TNKS: variants seen among roughly 807,000 people sequenced by gnomAD.
TNKS encodes the protein poly [ADP-ribose] polymerase tankyrase-1.
TNKS carries 72 observed loss-of-function variants against 135.8 expected under a neutral mutation model. The observed-to-expected ratio is 0.53, with a 90% CI of 0.44 to 0.64. The LOEUF (loss-of-function observed/expected upper bound fraction) is 0.64, where lower values mean the gene tolerates loss of function less well. Among genes scored for constraint, TNKS ranks in the 30% least tolerant of loss-of-function variants. The pLI, the probability that TNKS is intolerant of heterozygous loss-of-function variation, is 0.00. For synonymous variants in TNKS, 849 were observed against 649.3 expected, an observed-to-expected ratio of 1.31 and a Z score of -4.68; for missense variants, 1,769 against 1,674.0, an observed-to-expected ratio of 1.06 and a Z score of -0.99.
chr8:9,718,634 T>TAA (rs1804723191), intron 11 of TNKS, among the ~76,000 whole-genome samples: 1 of 152,136 alleles, frequency 6.6e-6, no homozygotes, highest in Admixed American at 6.6e-5. Context: ...CAGTTAGAAA[T>TAA]GAAAATACGT....
intron 3 of TNKS, among the ~76,000 whole-genome samples, chr8:9,656,512 G>C (rs1801375193): frequency 6.6e-6 from 1 of 152,238 alleles, no homozygotes; most frequent in South Asian, 2.1e-4. Flanking sequence ...TACCCACAAA[G>C]GGAAGCCCAT....
chr8:9,636,468 A>G (rs1409479914), intron 3 of TNKS, among the ~76,000 whole-genome samples: 1 of 152,044 alleles, frequency 6.6e-6, no homozygotes, highest in Non-Finnish European at 1.5e-5. Flanking sequence ...TTTTACTTCT[A>G]ACTGCATTGA....
At chr8:9,647,744 C>T (rs914491691) in intron 3 of TNKS, among the ~76,000 whole-genome samples, 2 of 152,118 alleles carry the variant, frequency 1.3e-5, no homozygotes, top group Non-Finnish European at 2.9e-5. Context: ...GAATGCTCTG[C>T]GTTTTATTGA....
In TNKS at chr8:9,590,554, G is replaced by A. The variant is rs913718261; in HGVS notation, c.898+10171G>A. Among the ~76,000 whole-genome samples the A allele has an allele frequency of 2.5e-4, 38 of 152,106 alleles. 1 individual carries two copies. Among genetic ancestry groups the A allele is most frequent in the African/African-American group, 7.2e-4 (30 of 41,404 alleles). The stretch of plus-strand genomic sequence containing the variant: ...TAATATAAACACAGGAACCTACTCT[G>A]CCTTACTTTGCACCACATCCCTGGC... On this transcript the variant is annotated intron_variant, in intron 2 of 26. Coordinates refer to ENST00000310430, the MANE Select transcript of TNKS (RefSeq NM_003747.3).
chr8:9,648,451 C>T (rs1290426781), intron 3 of TNKS, among the ~76,000 whole-genome samples: 1 of 152,160 alleles, frequency 6.6e-6, no homozygotes, highest in Non-Finnish European at 1.5e-5. Context: ...ACATGTTAGT[C>T]TAGGCCTGTG....
At chr8:9,771,424 AAGGG>A (rs1357993280) in intron 26 of TNKS, among the ~76,000 whole-genome samples, 1 of 90,362 alleles carries the variant, frequency 1.1e-5, no homozygotes, top group African/African-American at 3.7e-5. Flanking sequence ...GATACTAAGG[AAGGG>A]AGGGACAGAG....
intron 3 of TNKS, among the ~76,000 whole-genome samples, chr8:9,626,198 A>G (rs189140917): frequency 5.6e-4 from 85 of 152,324 alleles, no homozygotes; most frequent in Non-Finnish European, 9.4e-4. Flanking sequence ...ACTTTATATG[A>G]TGTTAACATA....
intron 3 of TNKS, among the ~76,000 whole-genome samples, chr8:9,635,387 T>C (rs1243450377): frequency 6.6e-6 from 1 of 152,160 alleles, no homozygotes; most frequent in African/African-American, 2.4e-5. Context: ...GACACTTTCT[T>C]ACTGTAGAAT....
chr8:9,612,976 G>A (rs1044330949), intron 2 of TNKS, among the ~76,000 whole-genome samples: 3 of 152,144 alleles, frequency 2.0e-5, no homozygotes, highest in Non-Finnish European at 4.4e-5. Flanking sequence ...TCTCCATAAA[G>A]ATCTTCATCC....
At chr8:9,656,043 C>T (rs778147282) in intron 3 of TNKS, among the ~76,000 whole-genome samples, 4 of 151,994 alleles carry the variant, frequency 2.6e-5, no homozygotes, top group Non-Finnish European at 4.4e-5. Flanking sequence ...CAGAGAAGTC[C>T]TTAAAAGAGC....
chr8:9,629,478 T>G (rs150209680), intron 3 of TNKS, among the ~76,000 whole-genome samples: 167 of 152,318 alleles, frequency 1.1e-3, no homozygotes, highest in African/African-American at 3.8e-3. Context: ...CTGGCCCCTA[T>G]CTACCTGTCT....
intron 3 of TNKS, among the ~76,000 whole-genome samples, chr8:9,644,722 T>C (rs1487994311): frequency 6.6e-6 from 1 of 152,182 alleles, no homozygotes; most frequent in Non-Finnish European, 1.5e-5. Flanking sequence ...AGCAATTAAA[T>C]ATGAAATTAT....
At chr8:9,686,768 GAACTT>G (rs1182309468) in intron 5 of TNKS, among the ~76,000 whole-genome samples, 2 of 152,040 alleles carry the variant, frequency 1.3e-5, no homozygotes, top group Non-Finnish European at 1.5e-5. Context: ...GAAAAAGCAG[GAACTT>G]GAAGCTAGAA....
intron 14 of TNKS, among the ~76,000 whole-genome samples, chr8:9,731,478 A>C (rs942909377): frequency 8.6e-5 from 13 of 151,110 alleles, no homozygotes; most frequent in East Asian, 1.9e-4. Context: ...AAAAAAAAAA[A>C]AAAAAACATA....
At chr8:9,556,910 A>T (rs546505914) in intron 1 of TNKS, 8 of 533,436 alleles carry the variant, frequency 1.5e-5, no homozygotes, top group Non-Finnish European at 2.6e-5. Flanking sequence ...TTTGGTGTGC[A>T]GGAATACAGT....
intron 5 of TNKS, among the ~76,000 whole-genome samples, chr8:9,689,928 G>A (rs190076021): frequency 2.0e-5 from 3 of 152,288 alleles, no homozygotes; most frequent in East Asian, 1.9e-4. Flanking sequence ...TGTCCATTAC[G>A]TAGAATCTTT....
chr8:9,616,278 T>C (rs1213195452), intron 3 of TNKS, among the ~76,000 whole-genome samples: 1 of 152,148 alleles, frequency 6.6e-6, no homozygotes, highest in Non-Finnish European at 1.5e-5. Context: ...AAAGAGGAAA[T>C]GCTAGAATGG....
intron 20 of TNKS, among the ~76,000 whole-genome samples, chr8:9,753,752 G>A (rs1458592280): frequency 6.6e-6 from 1 of 152,166 alleles, no homozygotes; most frequent in African/African-American, 2.4e-5. Context: ...AAGATATCTT[G>A]TTACAATTTG....
intron 2 of TNKS, among the ~76,000 whole-genome samples, chr8:9,585,611 C>T (rs1798346875): frequency 6.6e-6 from 1 of 152,152 alleles, no homozygotes; most frequent in South Asian, 2.1e-4. Flanking sequence ...CTAAAGCCTG[C>T]TGGAAGAAAA....
Sources: allele counts gnomAD v4.1 joint callset (sites outside exome capture counted in the v4.1 genomes callset), GRCh38; gene constraint gnomAD v4.1.1; transcripts MANE v1.5; gene names NCBI Gene and HGNC (gene_info 2026-07-23, HGNC 2026-07-21).